NELL1: variants seen among roughly 807,000 people sequenced by gnomAD.
NELL1 encodes neural EGFL like 1.
Under a neutral mutation model 107.4 loss-of-function variants are expected in NELL1, and 76 were observed. The ratio of observed to expected loss-of-function variants is 0.71; its 90% CI spans 0.59 to 0.86. The LOEUF is 0.86. Among genes scored for constraint, NELL1 ranks in the 40% least tolerant of loss-of-function variants. The probability of loss-of-function intolerance (pLI) is 0.00; values close to 1 mark genes in which losing one functional copy is unlikely to be tolerated. For missense variants in NELL1, 1,024 were observed against 1,005.5 expected, an observed-to-expected ratio of 1.02 and a Z score of -0.25; for synonymous variants, 353 against 341.2, an observed-to-expected ratio of 1.03 and a Z score of -0.38.
At chr11:20,923,465 C>A (rs1209127016) in intron 7 of NELL1, among the ~76,000 whole-genome samples, 1 of 152,042 alleles carries the variant, frequency 6.6e-6, no homozygotes, top group African/African-American at 2.4e-5. Flanking sequence ...AGTAATAAAC[C>A]TTTTTTGTCC....
chr11:21,301,134 C>T (rs1211095465), intron 14 of NELL1, among the ~76,000 whole-genome samples: 9 of 152,084 alleles, frequency 5.9e-5, no homozygotes, highest in Non-Finnish European at 1.3e-4. Flanking sequence ...TTTCTTAATC[C>T]AGTCTGTCAT....
intron 15 of NELL1, among the ~76,000 whole-genome samples, chr11:21,378,842 C>T (rs529153830): frequency 2.6e-5 from 4 of 151,628 alleles, no homozygotes; most frequent in East Asian, 3.9e-4. Context: ...CTCAGCCTCC[C>T]GAGTAGCTGG....
intron 12 of NELL1, among the ~76,000 whole-genome samples, chr11:21,048,346 C>T (rs1853407141): frequency 6.6e-6 from 1 of 152,098 alleles, no homozygotes; most frequent in South Asian, 2.1e-4. Flanking sequence ...TATCTGTTTC[C>T]TCAGAATTTT....
chr11:20,969,103 T>C (rs1293930288), intron 12 of NELL1, among the ~76,000 whole-genome samples: 1 of 152,178 alleles, frequency 6.6e-6, no homozygotes, highest in African/African-American at 2.4e-5. Context: ...CTAGCTTCAG[T>C]TGATTGTGCT....
At chr11:21,508,408 G>A (rs759504318) in intron 15 of NELL1, among the ~76,000 whole-genome samples, 10 of 152,058 alleles carry the variant, frequency 6.6e-5, no homozygotes, top group Admixed American at 2.0e-4. Flanking sequence ...AAACTGATGC[G>A]CAGATAAGTA....
At chr11:21,231,032 G>A (rs187924006) in intron 14 of NELL1, among the ~76,000 whole-genome samples, 4 of 152,086 alleles carry the variant, frequency 2.6e-5, no homozygotes, top group Non-Finnish European at 5.9e-5. Flanking sequence ...ATTTATCTTG[G>A]CATATGAATT....
intron 12 of NELL1, among the ~76,000 whole-genome samples, chr11:21,074,609 A>G (rs964789488): frequency 1.3e-5 from 2 of 152,202 alleles, no homozygotes; most frequent in African/African-American, 4.8e-5. Context: ...GTTTAAAAAA[A>G]TTATAATGCT....
intron 2 of NELL1, among the ~76,000 whole-genome samples, chr11:20,703,243 C>G (rs1028553591): frequency 6.6e-6 from 1 of 152,006 alleles, no homozygotes; most frequent in African/African-American, 2.4e-5. Flanking sequence ...GTGTATGTGT[C>G]GAGGAATTTA....
chr11:21,465,110 A>G (rs1453928034), intron 15 of NELL1, among the ~76,000 whole-genome samples: 1 of 152,034 alleles, frequency 6.6e-6, no homozygotes, highest in Non-Finnish European at 1.5e-5. Context: ...GACCTTAGGG[A>G]GGATGTAATC....
At chr11:21,180,769 G>A (rs570069456) in intron 13 of NELL1, among the ~76,000 whole-genome samples, 1 of 151,604 alleles carries the variant, frequency 6.6e-6, no homozygotes, top group Non-Finnish European at 1.5e-5. Flanking sequence ...GGGCTCTCTG[G>A]CTTGGTCAGG....
At chr11:21,093,382 A>G (rs1326839403) in intron 12 of NELL1, among the ~76,000 whole-genome samples, 2 of 152,094 alleles carry the variant, frequency 1.3e-5, no homozygotes, top group African/African-American at 2.4e-5. Flanking sequence ...TGCAGTCACT[A>G]CTAGTTGTAC....
intron 3 of NELL1, among the ~76,000 whole-genome samples, chr11:20,807,127 GC>G (rs1375252824): frequency 1.3e-5 from 2 of 151,848 alleles, no homozygotes; most frequent in Admixed American, 1.3e-4. Context: ...CAGTTCCTGG[GC>G]ATTGAAGGTA....
At chr11:20,862,473 C>T (rs2134075159) in intron 4 of NELL1, among the ~76,000 whole-genome samples, 1 of 152,158 alleles carries the variant, frequency 6.6e-6, no homozygotes, top group African/African-American at 2.4e-5. Context: ...CACCCAAAGT[C>T]CATAATTTAC....
intron 15 of NELL1, among the ~76,000 whole-genome samples, chr11:21,454,038 A>G (rs1181253625): frequency 6.9e-6 from 1 of 144,808 alleles, no homozygotes; most frequent in African/African-American, 2.6e-5. Context: ...CTAACTTGTC[A>G]TCTAGCATTA....
intron 2 of NELL1, among the ~76,000 whole-genome samples, chr11:20,733,706 G>T (rs1002637107): frequency 6.6e-6 from 1 of 152,202 alleles, no homozygotes; most frequent in Non-Finnish European, 1.5e-5. Context: ...AATCAGAAGA[G>T]AGAGAAAACA....
chr11:21,270,625 C>T (rs1275494134), intron 14 of NELL1, among the ~76,000 whole-genome samples: 2 of 152,088 alleles, frequency 1.3e-5, no homozygotes, highest in Non-Finnish European at 2.9e-5. Flanking sequence ...ACAGAGTCTG[C>T]TGGCAGAAAA....
chr11:21,515,154 T>A (rs1855525888), intron 15 of NELL1, among the ~76,000 whole-genome samples: 1 of 152,240 alleles, frequency 6.6e-6, no homozygotes, highest in Non-Finnish European at 1.5e-5. Flanking sequence ...AACATGTGCA[T>A]GATTTTTACA....
intron 2 of NELL1, among the ~76,000 whole-genome samples, chr11:20,771,975 T>C (rs986804113): frequency 2.0e-5 from 3 of 152,200 alleles, no homozygotes; most frequent in African/African-American, 7.2e-5. Context: ...AAACAGCATT[T>C]GAAGTAACAT....
intron 11 of NELL1, among the ~76,000 whole-genome samples, chr11:20,954,257 T>C (rs1389029104): frequency 6.6e-6 from 1 of 152,248 alleles, no homozygotes; most frequent in Non-Finnish European, 1.5e-5. Flanking sequence ...TAAATGTTAA[T>C]TATTGCTGTT....
Sources: gnomAD v4.1 joint callset for allele counts (sites outside exome capture counted in the v4.1 genomes callset) on GRCh38, gnomAD v4.1.1 for gene constraint, MANE v1.5 for transcripts, NCBI Gene and HGNC (gene_info 2026-07-23, HGNC 2026-07-21) for gene names.